Variants in CECR2 observed in about 807,000 individuals in gnomAD.
The protein encoded by CECR2 is chromatin remodeling regulator CECR2.
A neutral mutation model predicts 154.5 loss-of-function variants in CECR2; 30 were observed. The observed-to-expected ratio is 0.19, with a 90% confidence interval of 0.15 to 0.26. The LOEUF is 0.26. CECR2 is among the 10% of genes least tolerant of loss of function. The probability of loss-of-function intolerance (pLI) is 1.00; values close to 1 mark genes in which losing one functional copy is unlikely to be tolerated. For missense variants in CECR2, 1,743 were observed against 1,829.3 expected, an observed-to-expected ratio of 0.95 and a Z score of 0.86; for synonymous variants, 725 against 683.7, an observed-to-expected ratio of 1.06 and a Z score of -0.94.
At chr22:17,394,120 C>G (rs1052072464) in intron 1 of CECR2, among the ~76,000 whole-genome samples, 5 of 150,392 alleles carry the variant, frequency 3.3e-5, no homozygotes, top group Non-Finnish European at 7.4e-5. Context: ...CTCCCGACCT[C>G]AGGTGATCCA....
At chr22:17,411,414 T>C (rs549491289) in intron 1 of CECR2, among the ~76,000 whole-genome samples, 3 of 152,332 alleles carry the variant, frequency 2.0e-5, no homozygotes, top group African/African-American at 4.8e-5. Context: ...TGCTGTCCAA[T>C]CCAGTGTGAA....
rs1022195434 is a variant in CECR2 at position 17,388,822 on chromosome 22, A to T, written c.126+18913A>T. Among the ~76,000 whole-genome samples, 27 of 150,618 alleles carry T rather than the reference A, an allele frequency of 1.8e-4. 1 individual carries two copies. The South Asian group carries it at 2.1e-3, about 12-fold the overall frequency. The stretch of plus-strand genomic sequence containing the variant: ...AAAACTTTGTTTATTTTATTTTAGT[A>T]TTTTTTTTTGAGGTGGAGTCTCACT... On this transcript the variant is annotated intron_variant, in intron 1 of 18. Transcript: ENST00000262608.
chr22:17,532,236 C>T (rs1386956762), intron 9 of CECR2, among the ~76,000 whole-genome samples: 1 of 152,136 alleles, frequency 6.6e-6, no homozygotes, highest in Non-Finnish European at 1.5e-5. Context: ...GCTACCATAA[C>T]AACCTACATT....
At position 17,539,271 on chromosome 22, in the gene CECR2, T is replaced by C. The variant is rs5747223; in HGVS notation, c.1495+152T>C. The C allele has an allele frequency of 1.1e-3, 876 of 793,998 alleles. 15 individuals carry two copies. In the East Asian group the frequency reaches 0.024, roughly 21 times the overall value. The allele number at this position is 793,998 out of a possible 1,614,324, so 49.2% of individuals were successfully genotyped here. A position where few individuals can be genotyped will look rare whatever the true frequency, so the allele number is the denominator to read the frequency against. On this transcript the variant is annotated intron_variant, in intron 13 of 18. Coordinates refer to ENST00000262608, the MANE Select transcript of CECR2 (RefSeq NM_001290047.2). ...TGGGATTGACCATTCCAGCCACTTA[T>C]ACAGTGTCTGCCAGGGATTCTCTCC...
At chr22:17,431,998 C>T (rs900998068) in intron 1 of CECR2, among the ~76,000 whole-genome samples, 11 of 149,872 alleles carry the variant, frequency 7.3e-5, no homozygotes, top group Non-Finnish European at 1.5e-4. Context: ...GGATTTTGCC[C>T]ACTCTTGACA....
chr22:17,464,435 GTTAATATTGGCAGCT>G (rs2054992854), intron 1 of CECR2, among the ~76,000 whole-genome samples: 4 of 151,996 alleles, frequency 2.6e-5, no homozygotes, highest in African/African-American at 9.7e-5. Flanking sequence ...GCCCAATTCA[GTTAATATTGGCAGCT>G]ACCAACATTT....
rs184024380 is a variant in CECR2 at position 17,482,973 on chromosome 22, G to A, written c.221+5291G>A. Among the ~76,000 whole-genome samples the A allele has an allele frequency of 7.5e-3, 1,141 of 152,146 alleles. 11 individuals carry two copies. The highest frequency in any genetic ancestry group is 0.026 in the African/African-American group (1,087 of 41,518). ...TGGGATTACAGGCGTGAGCCACCGC[G>A]CCCAGCCTAGTTATTTTTAAAAAGT... On this transcript the variant is annotated intron_variant, in intron 2 of 18. Transcript: ENST00000262608.
chr22:17,524,076 A>C (rs148831878), intron 8 of CECR2, 42 bp from the exon 9 acceptor site: 1 of 1,447,924 alleles, frequency 6.9e-7, no homozygotes, highest in East Asian at 2.5e-5. Flanking sequence ...CTTATCTTGC[A>C]TGATTGTGTA....
At chr22:17,420,838 C>T (rs571108574) in intron 1 of CECR2, among the ~76,000 whole-genome samples, 5 of 151,976 alleles carry the variant, frequency 3.3e-5, no homozygotes, top group African/African-American at 7.3e-5. Context: ...CTTAATTTCT[C>T]GAAAAGTTTT....
At chr22:17,451,630 C>T (rs555088611) in intron 1 of CECR2, among the ~76,000 whole-genome samples, 1 of 152,280 alleles carries the variant, frequency 6.6e-6, no homozygotes, top group Non-Finnish European at 1.5e-5. Flanking sequence ...GGCTTTTCAA[C>T]GGTGGTTTCC....
chr22:17,435,575 C>T (rs1160104707), intron 1 of CECR2, among the ~76,000 whole-genome samples: 1 of 150,604 alleles, frequency 6.6e-6, no homozygotes, highest in Non-Finnish European at 1.5e-5. Flanking sequence ...AGAAAGATGT[C>T]TGGGGAATTA....
chr22:17,389,215 T>C (rs1391894357), intron 1 of CECR2, among the ~76,000 whole-genome samples: 1 of 152,162 alleles, frequency 6.6e-6, no homozygotes. Flanking sequence ...CGTGTTCAGT[T>C]TTACACCATG....
chr22:17,365,176 A>T (rs549209961), upstream of CECR2, among the ~76,000 whole-genome samples: 18 of 151,996 alleles, frequency 1.2e-4, no homozygotes, highest in African/African-American at 4.3e-4. Context: ...GTGAGCCAAG[A>T]TCATGCCACT....
rs1352761042 is a variant in CECR2 at position 17,548,266 on chromosome 22, C to T, written c.2979C>T (p.Ser993=). The T allele has an allele frequency of 2.5e-6, 4 of 1,606,218 alleles. No individual in the cohort carries two copies. The highest frequency in any genetic ancestry group is 3.4e-6 in the Non-Finnish European group (4 of 1,176,294). ...PPLQTDCTRQ[S]SPQERETVGP... is the part of the protein sequence containing the mutation. ...TGCAGACTGACTGCACCAGGCAGAG[C>T]TCACCACAAGAAAGGGAAACAGTGG... Residue 993 remains serine, a synonymous_variant, in exon 17 of 19, where the codon AGC becomes AGT. Transcript: ENST00000262608.
chr22:17,541,440 G>A (rs575151975), intron 14 of CECR2, among the ~76,000 whole-genome samples: 30 of 152,042 alleles, frequency 2.0e-4, no homozygotes, highest in Middle Eastern at 3.4e-3. Context: ...GTGAGACTCC[G>A]TCTCAAAAAA....
chr22:17,408,109 C>T (rs901746730), intron 1 of CECR2, among the ~76,000 whole-genome samples: 1 of 152,120 alleles, frequency 6.6e-6, no homozygotes, highest in Non-Finnish European at 1.5e-5. Context: ...GATTCAGTCA[C>T]ATTTAGTGAA....
At chr22:17,387,198 C>A (rs529263876) in intron 1 of CECR2, among the ~76,000 whole-genome samples, 1 of 152,174 alleles carries the variant, frequency 6.6e-6, no homozygotes, top group African/African-American at 2.4e-5. Context: ...AACAGAAAGC[C>A]TTCTTTTGTC....
chr22:17,484,283 A>G (rs757764272), intron 2 of CECR2, among the ~76,000 whole-genome samples: 15 of 152,170 alleles, frequency 9.9e-5, no homozygotes, highest in Non-Finnish European at 1.8e-4. Context: ...TCAAACTTCT[A>G]GATTCAAGCA....
At chr22:17,496,102 A>G (rs2055622872) in intron 2 of CECR2, among the ~76,000 whole-genome samples, 2 of 149,460 alleles carry the variant, frequency 1.3e-5, no homozygotes, top group African/African-American at 4.9e-5. Context: ...TGTTCTCTGC[A>G]GAAAAACTAT....
Sources: gnomAD v4.1 joint callset for allele counts (sites outside exome capture counted in the v4.1 genomes callset) on GRCh38, gnomAD v4.1.1 for gene constraint, MANE v1.5 for transcripts, NCBI Gene and HGNC (gene_info 2026-07-23, HGNC 2026-07-21) for gene names.